RUNX1: variants seen among roughly 807,000 people sequenced by gnomAD.
RUNX1 encodes the protein runt-related transcription factor 1.
RUNX1 carries 19 observed loss-of-function variants against 42.8 expected under a neutral mutation model. That is an observed-to-expected ratio of 0.44 (90% CI 0.31 to 0.65). The LOEUF (loss-of-function observed/expected upper bound fraction) is 0.65. RUNX1 is among the 30% of genes least tolerant of loss of function. RUNX1 has a pLI of 0.07. For missense variants in RUNX1, 528 were observed against 672.0 expected (o/e 0.79, Z 2.37); for synonymous variants, 271 against 289.4 (o/e 0.94, Z 0.64).
At chr21:34,842,208 G>C (rs2057246745) in intron 6 of RUNX1, among the ~76,000 whole-genome samples, 1 of 152,150 alleles carries the variant, frequency 6.6e-6, no homozygotes, top group African/African-American at 2.4e-5. Flanking sequence ...TGTCTCATTA[G>C]AAGTTGAATC....
intron 2 of RUNX1, among the ~76,000 whole-genome samples, chr21:34,955,224 G>T (rs1040299866): frequency 2.0e-5 from 3 of 151,856 alleles, no homozygotes; most frequent in Non-Finnish European, 4.4e-5. Flanking sequence ...GTGGGTGGGA[G>T]GAAGTCTATT....
chr21:34,800,533 C>A (rs944337584), intron 7 of RUNX1, among the ~76,000 whole-genome samples: 1 of 152,190 alleles, frequency 6.6e-6, no homozygotes, highest in Non-Finnish European at 1.5e-5. Flanking sequence ...GAGCAGACTT[C>A]TTTAGGAAAA....
At chr21:35,048,549 C>G (rs991611459) in intron 2 of RUNX1, among the ~76,000 whole-genome samples, 1 of 152,228 alleles carries the variant, frequency 6.6e-6, no homozygotes, top group South Asian at 2.1e-4. Flanking sequence ...AATCTCTAAG[C>G]CTTTAAACAA....
chr21:34,821,630 G>C (rs1291402137), intron 7 of RUNX1: 1 of 1,559,620 alleles, frequency 6.4e-7, no homozygotes, highest in Non-Finnish European at 8.7e-7. Context: ...CTCTATCCTG[G>C]CTGGGGAGAG....
At chr21:34,830,494 G>A (rs552597479) in intron 7 of RUNX1, among the ~76,000 whole-genome samples, 142 of 152,298 alleles carry the variant, frequency 9.3e-4, no homozygotes, top group Non-Finnish European at 1.2e-3. Context: ...TGCCAAGTGA[G>A]TGGATAGCCC....
intron 2 of RUNX1, among the ~76,000 whole-genome samples, chr21:35,039,562 T>C (rs2059342626): frequency 6.6e-6 from 1 of 152,226 alleles, no homozygotes; most frequent in Non-Finnish European, 1.5e-5. Context: ...AAGCATCATA[T>C]AGAACAATGT....
intron 2 of RUNX1, among the ~76,000 whole-genome samples, chr21:34,902,883 T>C (rs1002460454): frequency 6.6e-6 from 1 of 152,148 alleles, no homozygotes; most frequent in African/African-American, 2.4e-5. Context: ...TGCTTACCCA[T>C]GTCAGCATAT....
chr21:34,819,746 C>A lies in RUNX1; in HGVS notation c.805+14664G>T, dbSNP rs376839845. ...GCATCCTGAACCGGGATGACAGGAC[C>A]ATCAGTCAGCACCAGCCTCCCGCCC... On this transcript the variant is annotated intron_variant, in intron 7 of 8. Coordinates refer to ENST00000675419, the MANE Select transcript of RUNX1 (RefSeq NM_001754.5). 1.2e-4 allele frequency among the ~76,000 whole-genome samples: 19 copies of A among 152,338 alleles called. No homozygotes were observed. In the South Asian group the frequency reaches 3.9e-3, roughly 32 times the overall value.
At chr21:35,005,399 T>C (rs1305204251) in intron 2 of RUNX1, among the ~76,000 whole-genome samples, 2 of 152,196 alleles carry the variant, frequency 1.3e-5, no homozygotes, top group South Asian at 2.1e-4. Context: ...TTGAGTCAAA[T>C]TGGAGTCAGA....
At chr21:35,007,288 G>A (rs2059092183) in intron 2 of RUNX1, among the ~76,000 whole-genome samples, 1 of 152,178 alleles carries the variant, frequency 6.6e-6, no homozygotes, top group Non-Finnish European at 1.5e-5. Context: ...GGCTGTCCTG[G>A]AGGTTGAGCC....
intron 2 of RUNX1, among the ~76,000 whole-genome samples, chr21:34,934,114 G>C (rs73900602): frequency 0.062 from 9,438 of 152,210 alleles, 923 homozygotes; most frequent in African/African-American, 0.21. Flanking sequence ...GCTTTTCTGT[G>C]TATGTCCTGA....
At chr21:34,813,409 G>C (rs1384491236) in intron 7 of RUNX1, among the ~76,000 whole-genome samples, 1 of 152,148 alleles carries the variant, frequency 6.6e-6, no homozygotes, top group African/African-American at 2.4e-5. Context: ...ACACAGCATT[G>C]TCCCCTGGGC....
intron 7 of RUNX1, among the ~76,000 whole-genome samples, chr21:34,822,254 G>A (rs2056918873): frequency 1.3e-5 from 2 of 152,200 alleles, no homozygotes; most frequent in South Asian, 4.1e-4. Flanking sequence ...GACACCACAG[G>A]CAGGACCTTC....
At chr21:34,879,437 C>T (rs1269687052) in intron 5 of RUNX1, among the ~76,000 whole-genome samples, 1 of 152,138 alleles carries the variant, frequency 6.6e-6, no homozygotes. Context: ...AAATAATCAA[C>T]TCACATTTAC....
intron 2 of RUNX1, among the ~76,000 whole-genome samples, chr21:34,904,285 GA>G: frequency 6.6e-6 from 1 of 152,226 alleles, no homozygotes; most frequent in African/African-American, 2.4e-5. Flanking sequence ...GAAAGGTAGA[GA>G]GAAAGAGTGG....
chr21:34,876,897 C>T (rs914614667), intron 5 of RUNX1, among the ~76,000 whole-genome samples: 3 of 152,032 alleles, frequency 2.0e-5, no homozygotes, highest in African/African-American at 7.3e-5. Context: ...GCTCTTGTTG[C>T]CCAGACTGGA....
intron 6 of RUNX1, among the ~76,000 whole-genome samples, chr21:34,850,324 C>T (rs1179922012): frequency 1.3e-5 from 2 of 152,190 alleles, no homozygotes; most frequent in African/African-American, 2.4e-5. Flanking sequence ...AGCTGCCTTG[C>T]ACACATGGAA....
At position 34,928,778 on chromosome 21, in the gene RUNX1, A is replaced by C. The variant is rs558960692; in HGVS notation, c.59-35815T>G. Among the ~76,000 whole-genome samples the C allele has an allele frequency of 2.6e-5, 4 of 152,230 alleles. No homozygotes were observed. In the South Asian group the frequency reaches 8.3e-4, roughly 32 times the overall value. Reference sequence around the variant, plus strand: ...AGATAAAGATCTGATGCACAACTCAAAACAGTAGTGTTTTTTGTTAAGCCC... The same window carrying C: ...AGATAAAGATCTGATGCACAACTCACAACAGTAGTGTTTTTTGTTAAGCCC... On this transcript the variant is annotated intron_variant, in intron 2 of 8. Transcript: ENST00000675419.
intron 2 of RUNX1, among the ~76,000 whole-genome samples, chr21:35,025,323 C>T (rs2059227393): frequency 6.6e-6 from 1 of 152,118 alleles, no homozygotes; most frequent in African/African-American, 2.4e-5. Context: ...CTGGCCTGGC[C>T]CCGGCCCACT....
Sources: gnomAD v4.1 joint callset for allele counts (sites outside exome capture counted in the v4.1 genomes callset) on GRCh38, gnomAD v4.1.1 for gene constraint, MANE v1.5 for transcripts, NCBI Gene and HGNC (gene_info 2026-07-23, HGNC 2026-07-21) for gene names.